MSH3: variants seen among roughly 807,000 people sequenced by gnomAD.
The protein encoded by MSH3 is DNA mismatch repair protein Msh3.
In MSH3, 106 loss-of-function variants were observed where a neutral mutation model predicts 123.3. That is an observed-to-expected ratio of 0.86 (90% CI 0.73 to 1.01). The LOEUF is 1.01. Among genes scored for constraint, MSH3 ranks in the 50% least tolerant of loss-of-function variants. The pLI is 0.00. For synonymous variants in MSH3, 515 were observed against 481.4 expected (o/e 1.07, Z -0.91); for missense variants, 1,459 against 1,347.6 (o/e 1.08, Z -1.29).
At chr5:80,685,226 C>A (rs1750061147) in intron 8 of MSH3, among the ~76,000 whole-genome samples, 2 of 127,244 alleles carry the variant, frequency 1.6e-5, no homozygotes, top group Admixed American at 9.0e-5. Context: ...TTTTTTTTCC[C>A]AGAATAGTTT....
chr5:80,686,835 A>C (rs1257269496), intron 8 of MSH3, among the ~76,000 whole-genome samples: 2 of 151,074 alleles, frequency 1.3e-5, no homozygotes, highest in Non-Finnish European at 3.0e-5. Context: ...CTGGTTAATA[A>C]TATTTTATTA....
intron 8 of MSH3, among the ~76,000 whole-genome samples, chr5:80,708,735 T>C (rs747486373): frequency 2.8e-4 from 43 of 152,244 alleles, no homozygotes; most frequent in Admixed American, 4.6e-4. Flanking sequence ...TTTTAGACTT[T>C]GACTTTCTAG....
chr5:80,870,748 T>C (rs894829765), intron 22 of MSH3, among the ~76,000 whole-genome samples: 5 of 152,212 alleles, frequency 3.3e-5, no homozygotes, highest in African/African-American at 1.2e-4. Flanking sequence ...ATTGTCCTTT[T>C]TCTCTGTCAT....
At chr5:80,674,073 A>G (rs1224844945) in intron 6 of MSH3, among the ~76,000 whole-genome samples, 2 of 152,250 alleles carry the variant, frequency 1.3e-5, no homozygotes, top group Non-Finnish European at 2.9e-5. Context: ...GCTCCAAACT[A>G]TTAACAGCCT....
chr5:80,761,469 C>G, intron 12 of MSH3, 77 bp from the exon 13 acceptor site: 1 of 1,549,476 alleles, frequency 6.5e-7, no homozygotes, highest in Non-Finnish European at 8.9e-7. Flanking sequence ...TGTCACATTC[C>G]TGGGCATTAG....
intron 13 of MSH3, among the ~76,000 whole-genome samples, chr5:80,766,263 A>G (rs1321313662): frequency 6.6e-6 from 1 of 151,676 alleles, no homozygotes; most frequent in Non-Finnish European, 1.5e-5. Context: ...CTTTTAAGTC[A>G]ATTACTGTTT....
intron 8 of MSH3, among the ~76,000 whole-genome samples, chr5:80,718,240 T>G (rs1054331545): frequency 6.6e-6 from 1 of 152,216 alleles, no homozygotes; most frequent in African/African-American, 2.4e-5. Context: ...TGTATCCTTA[T>G]GGTTTAATTT....
intron 16 of MSH3, among the ~76,000 whole-genome samples, chr5:80,777,038 TCTC>T (rs1744318183): frequency 6.6e-6 from 1 of 151,488 alleles, no homozygotes; most frequent in Non-Finnish European, 1.5e-5. Context: ...TTCAAATGAT[TCTC>T]CTGCCTCAGC....
intron 3 of MSH3, among the ~76,000 whole-genome samples, chr5:80,668,093 A>G (rs1469452305): frequency 1.3e-5 from 2 of 152,124 alleles, no homozygotes; most frequent in Non-Finnish European, 2.9e-5. Context: ...AGGGCATCCC[A>G]TCAAGTGAGA....
intron 8 of MSH3, among the ~76,000 whole-genome samples, chr5:80,691,873 TTATA>T (rs900013629): frequency 8.3e-5 from 12 of 144,910 alleles, no homozygotes; most frequent in South Asian, 6.5e-4. Context: ...ACATGTATGT[TTATA>T]TAGATAAACG....
At position 80,709,256 on chromosome 5, in the gene MSH3, A is replaced by G. The variant is rs931379928; in HGVS notation, c.1341-16197A>G. On this transcript the variant is annotated intron_variant, in intron 8 of 23. Coordinates refer to ENST00000265081, the MANE Select transcript of MSH3 (RefSeq NM_002439.5). ...GTGTGTGTGTGTGTACCCTGAGCTA[A>G]TGGAATTTGTGGAACATTTGGTAAA... Among the ~76,000 whole-genome samples, 4 of 146,322 alleles carry G rather than the reference A, an allele frequency of 2.7e-5. 1 individual carries two copies. Among genetic ancestry groups the G allele is most frequent in the Middle Eastern group, 3.4e-3 (1 of 292 alleles).
intron 17 of MSH3, among the ~76,000 whole-genome samples, 193 bp from the exon 18 acceptor site, chr5:80,787,372 G>A (rs906530547): frequency 1.3e-5 from 2 of 152,154 alleles, no homozygotes; most frequent in Admixed American, 6.5e-5. Flanking sequence ...CAAAACAGAA[G>A]CCTCAATAAT....
At chr5:80,746,510 C>T (rs1743723083) in intron 12 of MSH3, 1 of 494,062 alleles carries the variant, frequency 2.0e-6, no homozygotes. Context: ...AAGTAGTTTG[C>T]AGGCAGAAGT....
intron 11 of MSH3, 51 bp from the exon 12 acceptor site, chr5:80,744,455 T>A (rs757028589): frequency 1.5e-6 from 2 of 1,303,644 alleles, no homozygotes; most frequent in Non-Finnish European, 2.2e-6. Context: ...AATAACAATT[T>A]GGCACAAATA....
chr5:80,869,506 A>G (rs1360879829), intron 22 of MSH3, among the ~76,000 whole-genome samples: 2 of 151,960 alleles, frequency 1.3e-5, no homozygotes, highest in African/African-American at 4.8e-5. Context: ...TCTCGCACAC[A>G]GAGGTTAAAG....
rs200129912 is a variant in MSH3, at chr5:80,764,382, CT to C, written c.1896+2715del. Reference sequence around the variant, plus strand: ...TATAAAATAGACATTTCTTCTTCTTCTTTTTTTTTTTGAAACAAGATCTCAC... The same window carrying C: ...TATAAAATAGACATTTCTTCTTCTTCTTTTTTTTTTGAAACAAGATCTCAC... On this transcript the variant is annotated intron_variant, in intron 13 of 23. Coordinates refer to ENST00000265081, the MANE Select transcript of MSH3 (RefSeq NM_002439.5). Among the ~76,000 whole-genome samples the C allele has an allele frequency of 6.6e-4, 97 of 147,416 alleles. 1 individual carries two copies. Among genetic ancestry groups the C allele is most frequent in the Admixed American group, 2.6e-3 (39 of 14,868 alleles).
intron 20 of MSH3, among the ~76,000 whole-genome samples, chr5:80,826,563 T>TTTTG (rs1212263886): frequency 6.6e-6 from 1 of 151,612 alleles, no homozygotes; most frequent in African/African-American, 2.4e-5. Flanking sequence ...TTTTTTTTTT[T>TTTTG]TTGAGATGGA....
Position 80,799,717 on chromosome 5 carries a change from A to T in MSH3, c.2655+6873A>T, listed in dbSNP as rs370810411. On this transcript the variant is annotated intron_variant, in intron 19 of 23. Transcript: ENST00000265081. ...TTAGTAGTGACTATGATTCCCTGTC[A>T]TTGAGCAAGCGTCCCCATTGAGACA... Among the ~76,000 whole-genome samples the T allele has an allele frequency of 2.0e-5, 3 of 152,146 alleles. No homozygotes were observed. The East Asian group carries it at 5.8e-4, about 29-fold the overall frequency.
intron 8 of MSH3, among the ~76,000 whole-genome samples, chr5:80,680,950 G>T (rs577088289): frequency 1.3e-5 from 2 of 152,062 alleles, no homozygotes; most frequent in Non-Finnish European, 2.9e-5. Flanking sequence ...AAATACTCAT[G>T]TGCGTTTCTG....
Sources: gnomAD v4.1 joint callset for allele counts (sites outside exome capture counted in the v4.1 genomes callset) on GRCh38, gnomAD v4.1.1 for gene constraint, MANE v1.5 for transcripts, NCBI Gene and HGNC (gene_info 2026-07-23, HGNC 2026-07-21) for gene names.